Variants in PRORP observed in about 807,000 individuals in gnomAD.
PRORP encodes mitochondrial ribonuclease P catalytic subunit.
PRORP carries 51 observed loss-of-function variants against 59.4 expected under a neutral mutation model. The ratio of observed to expected loss-of-function variants is 0.86; its 90% CI spans 0.69 to 1.08. The LOEUF is 1.08. PRORP is among the 50% of genes least tolerant of loss of function. The probability of loss-of-function intolerance (pLI) is 0.00; values close to 1 mark genes in which losing one functional copy is unlikely to be tolerated. For missense variants in PRORP, 646 were observed against 690.3 expected (o/e 0.94, Z 0.72); for synonymous variants, 231 against 245.6 (o/e 0.94, Z 0.55).
intron 5 of PRORP, among the ~76,000 whole-genome samples, chr14:35,182,135 G>A (rs6571703): frequency 0.041 from 6,099 of 149,936 alleles, 381 homozygotes; most frequent in African/African-American, 0.14. Context: ...GCATGATGGC[G>A]CACACCTGTA....
chr14:35,170,000 C>G (rs549828173), intron 4 of PRORP, among the ~76,000 whole-genome samples: 18 of 152,298 alleles, frequency 1.2e-4, no homozygotes, highest in African/African-American at 3.6e-4. Context: ...TCTTGAAGCT[C>G]TATTGTTATT....
At chr14:35,155,348 T>G (rs780587061) in intron 4 of PRORP, among the ~76,000 whole-genome samples, 3 of 152,168 alleles carry the variant, frequency 2.0e-5, no homozygotes, top group Non-Finnish European at 4.4e-5. Context: ...AGCTAGTTTA[T>G]GGGTTCATGG....
chr14:35,261,394 C>A (rs866210126), intron 5 of PRORP, among the ~76,000 whole-genome samples: 6 of 152,250 alleles, frequency 3.9e-5, no homozygotes, highest in Middle Eastern at 3.4e-3. Flanking sequence ...TACTTTTGAT[C>A]TAACATAGAA....
At chr14:35,180,063 G>A (rs1037481011) in intron 4 of PRORP, among the ~76,000 whole-genome samples, 1 of 152,212 alleles carries the variant, frequency 6.6e-6, no homozygotes, top group African/African-American at 2.4e-5. Flanking sequence ...TTGCTGAACA[G>A]CAAATATTGC....
chr14:35,233,041 A>G (rs2050121883), intron 5 of PRORP, among the ~76,000 whole-genome samples: 1 of 152,026 alleles, frequency 6.6e-6, no homozygotes, highest in Non-Finnish European at 1.5e-5. Flanking sequence ...CATTCTCTTA[A>G]TCTCTTTCAG....
intron 4 of PRORP, among the ~76,000 whole-genome samples, chr14:35,147,946 T>G (rs2047651204): frequency 6.6e-6 from 1 of 152,280 alleles, no homozygotes; most frequent in South Asian, 2.1e-4. Context: ...AGTTTTATTT[T>G]GTGATTGAAG....
intron 5 of PRORP, among the ~76,000 whole-genome samples, chr14:35,238,651 A>T (rs989755000): frequency 3.3e-5 from 5 of 152,204 alleles, no homozygotes; most frequent in African/African-American, 1.2e-4. Flanking sequence ...TTAAAATCTT[A>T]ACCTTTTTAA....
At chr14:35,148,675 C>G (rs1478143927) in intron 4 of PRORP, among the ~76,000 whole-genome samples, 1 of 152,158 alleles carries the variant, frequency 6.6e-6, no homozygotes, top group East Asian at 1.9e-4. Context: ...TGACTTCTCT[C>G]TAGCTATGAA....
At chr14:35,168,959 G>A (rs1382666393) in intron 4 of PRORP, among the ~76,000 whole-genome samples, 2 of 149,708 alleles carry the variant, frequency 1.3e-5, no homozygotes, top group Non-Finnish European at 3.0e-5. Context: ...TCAACTTTTT[G>A]CCTTATTAGC....
At chr14:35,173,992 C>T (rs1331727946) in intron 4 of PRORP, among the ~76,000 whole-genome samples, 1 of 152,070 alleles carries the variant, frequency 6.6e-6, no homozygotes, top group Admixed American at 6.6e-5. Context: ...TGGGCATTCT[C>T]AGGATGGCTG....
Position 35,266,823 on chromosome 14 carries a change from G to T in PRORP, c.1372G>T (p.Asp458Tyr). ...AAGACGGAGTTCCCAGTGGAGTCGG[G>T]ATGAGATGGAAGAGGTGCAAAAGCA... ...MLRRSSQWSR[D>Y]EMEEVQKQAS... Residue 458 changes from aspartate (D) to tyrosine (Y), a missense_variant, in exon 6 of 8, where the codon GAT becomes TAT. Transcript: ENST00000534898. The T allele has an allele frequency of 6.2e-7, 1 of 1,614,214 alleles. No homozygotes were observed. The highest frequency in any genetic ancestry group is 1.1e-5 in the South Asian group (1 of 91,082).
chr14:35,271,181 C>T (rs1158844922), intron 7 of PRORP, among the ~76,000 whole-genome samples: 6 of 110,528 alleles, frequency 5.4e-5, no homozygotes, highest in Admixed American at 2.2e-4. Context: ...TTTTTTGAGA[C>T]GGAATCTCAC....
chr14:35,191,681 C>G (rs2048887275), intron 5 of PRORP, among the ~76,000 whole-genome samples: 1 of 152,076 alleles, frequency 6.6e-6, no homozygotes, highest in Admixed American at 6.6e-5. Context: ...CCAGCCTGGA[C>G]AACAGTCTCA....
At chr14:35,197,203 G>C (rs2049029926) in intron 5 of PRORP, among the ~76,000 whole-genome samples, 1 of 152,108 alleles carries the variant, frequency 6.6e-6, no homozygotes, top group Non-Finnish European at 1.5e-5. Context: ...TAACCATTTA[G>C]GGTGTGGTGA....
chr14:35,183,612 G>A (rs1394037275), intron 5 of PRORP, among the ~76,000 whole-genome samples: 7 of 152,058 alleles, frequency 4.6e-5, no homozygotes, highest in Non-Finnish European at 1.0e-4. Flanking sequence ...GGACTCTTTA[G>A]TCAAAGGGTA....
At chr14:35,234,330 A>G (rs1434848292) in intron 5 of PRORP, among the ~76,000 whole-genome samples, 1 of 152,190 alleles carries the variant, frequency 6.6e-6, no homozygotes, top group African/African-American at 2.4e-5. Flanking sequence ...TGCTTTGGAA[A>G]CTATTTTTTC....
intron 5 of PRORP, among the ~76,000 whole-genome samples, chr14:35,224,665 A>G (rs1566508606): frequency 6.6e-6 from 1 of 152,224 alleles, no homozygotes; most frequent in Non-Finnish European, 1.5e-5. Flanking sequence ...GAAAATACCT[A>G]ATGAGCATAA....
chr14:35,235,232 G>A (rs1566515638), intron 5 of PRORP: 3 of 727,806 alleles, frequency 4.1e-6, no homozygotes, highest in Non-Finnish European at 7.3e-6. Context: ...GGTGATGCGA[G>A]CCACAGACTT....
intron 5 of PRORP, among the ~76,000 whole-genome samples, chr14:35,261,968 C>T (rs2050915325): frequency 6.6e-6 from 1 of 152,038 alleles, no homozygotes; most frequent in Admixed American, 6.6e-5. Flanking sequence ...CAAGATGGTG[C>T]CCCAGAATAG....
Sources: allele counts gnomAD v4.1 joint callset (sites outside exome capture counted in the v4.1 genomes callset), GRCh38; gene constraint gnomAD v4.1.1; transcripts MANE v1.5; gene names NCBI Gene and HGNC (gene_info 2026-07-23, HGNC 2026-07-21).